The following SGCZ variants were observed in gnomAD, a reference collection of about 807,000 sequenced individuals.
SGCZ encodes the protein zeta-sarcoglycan.
Under a neutral mutation model 41.3 loss-of-function variants are expected in SGCZ, and 40 were observed. That is an observed-to-expected ratio of 0.97 (90% CI 0.75 to 1.26). The LOEUF is 1.26. Among genes scored for constraint, SGCZ ranks in the 50% most tolerant of loss-of-function variants. SGCZ has a pLI of 0.00. For missense variants in SGCZ, 552 were observed against 369.8 expected (o/e 1.49, Z -4.04); for synonymous variants, 206 against 137.5 (o/e 1.50, Z -3.49).
At chr8:14,561,047 T>C (rs1054671028) in intron 1 of SGCZ, among the ~76,000 whole-genome samples, 1 of 152,124 alleles carries the variant, frequency 6.6e-6, no homozygotes, top group East Asian at 1.9e-4. Flanking sequence ...AAGTTCCTTT[T>C]TTTGTTGTTA....
At chr8:14,971,148 G>C (rs547386382) in intron 1 of SGCZ, among the ~76,000 whole-genome samples, 2 of 152,022 alleles carry the variant, frequency 1.3e-5, no homozygotes, top group Non-Finnish European at 2.9e-5. Flanking sequence ...ATTGGTTCTA[G>C]TAACTTTTTA....
chr8:14,507,598 A>G (rs1802341802), intron 2 of SGCZ, among the ~76,000 whole-genome samples: 1 of 152,192 alleles, frequency 6.6e-6, no homozygotes. Context: ...TGCTTCTGCA[A>G]CACTGGTATT....
intron 1 of SGCZ, among the ~76,000 whole-genome samples, chr8:14,639,838 G>A (rs540206772): frequency 6.6e-6 from 1 of 151,038 alleles, no homozygotes; most frequent in African/African-American, 2.4e-5. Context: ...TGTGATTCCA[G>A]CCAGTCCAGG....
chr8:14,368,869 A>T (rs1047038361), intron 2 of SGCZ, among the ~76,000 whole-genome samples: 2 of 151,800 alleles, frequency 1.3e-5, no homozygotes, highest in Non-Finnish European at 2.9e-5. Flanking sequence ...CAAGAGGGGA[A>T]ATCAAACACC....
At chr8:15,137,394 T>G (rs1808152265) in intron 1 of SGCZ, among the ~76,000 whole-genome samples, 1 of 152,206 alleles carries the variant, frequency 6.6e-6, no homozygotes, top group Non-Finnish European at 1.5e-5. Context: ...GAAATTTCTA[T>G]AAGTAACAAG....
intron 3 of SGCZ, among the ~76,000 whole-genome samples, chr8:14,275,300 C>A (rs778641478): frequency 6.6e-6 from 1 of 152,232 alleles, no homozygotes; most frequent in South Asian, 2.1e-4. Flanking sequence ...TGACTTCTTC[C>A]CTATCCCTTT....
intron 1 of SGCZ, among the ~76,000 whole-genome samples, chr8:15,208,868 AAT>A (rs1000806365): frequency 2.8e-5 from 4 of 140,402 alleles, no homozygotes; most frequent in Non-Finnish European, 3.1e-5. Flanking sequence ...ATATATCCTA[AAT>A]ATATATATAC....
intron 1 of SGCZ, among the ~76,000 whole-genome samples, chr8:15,226,715 A>G (rs555008196): frequency 1.3e-5 from 2 of 152,354 alleles, no homozygotes; most frequent in East Asian, 3.9e-4. Context: ...CTAGAGCTAC[A>G]TAACAGTAGA....
intron 1 of SGCZ, among the ~76,000 whole-genome samples, chr8:15,173,343 A>G (rs1033754096): frequency 6.6e-6 from 1 of 152,186 alleles, no homozygotes; most frequent in Admixed American, 6.5e-5. Flanking sequence ...CACTGGAGCA[A>G]CGTTTAACTT....
intron 4 of SGCZ, among the ~76,000 whole-genome samples, chr8:14,173,147 A>G (rs1238560084): frequency 2.0e-5 from 3 of 148,812 alleles, no homozygotes; most frequent in Non-Finnish European, 4.5e-5. Context: ...ATATGCTAAT[A>G]AACTAACTTC....
Position 14,582,879 on chromosome 8 carries a change from G to C in SGCZ, c.40-27953C>G, listed in dbSNP as rs533708209. Among the ~76,000 whole-genome samples, 795 of 151,516 alleles carry C rather than the reference G, an allele frequency of 5.2e-3. 3 individuals are homozygous for C. The highest frequency in any genetic ancestry group is 0.018 in the African/African-American group (754 of 41,120). The stretch of plus-strand genomic sequence containing the variant: ...CTGCATAGTATTCCATGGTGTATAT[G>C]TGCCACATTTTCTTAATCCAGTCTA... On this transcript the variant is annotated intron_variant, in intron 1 of 7. Transcript: ENST00000382080.
At chr8:14,763,292 G>A (rs556039765) in intron 1 of SGCZ, among the ~76,000 whole-genome samples, 1 of 152,170 alleles carries the variant, frequency 6.6e-6, no homozygotes, top group African/African-American at 2.4e-5. Flanking sequence ...ACACCAAAAA[G>A]CAGTTCAGTG....
chr8:15,041,566 A>G (rs116248346), intron 1 of SGCZ, among the ~76,000 whole-genome samples: 2 of 152,122 alleles, frequency 1.3e-5, no homozygotes, highest in African/African-American at 4.8e-5. Flanking sequence ...TCAAACAATC[A>G]TGAGAAGTAT....
chr8:14,459,018 C>G (rs1029320103), intron 2 of SGCZ, among the ~76,000 whole-genome samples: 1 of 152,126 alleles, frequency 6.6e-6, no homozygotes, highest in Non-Finnish European at 1.5e-5. Flanking sequence ...ACTGGGCACC[C>G]TCTCATCAGC....
chr8:14,518,803 G>C (rs1585623420), intron 2 of SGCZ, among the ~76,000 whole-genome samples: 1 of 149,250 alleles, frequency 6.7e-6, no homozygotes, highest in South Asian at 2.1e-4. Flanking sequence ...AATATAGAGA[G>C]ATATACACTT....
intron 1 of SGCZ, among the ~76,000 whole-genome samples, chr8:15,083,212 C>A (rs1044563978): frequency 1.4e-4 from 21 of 152,118 alleles, no homozygotes; most frequent in Admixed American, 1.3e-3. Flanking sequence ...ATATCAATTT[C>A]CCACCTTTCT....
chr8:14,647,160 A>C (rs1553828), intron 1 of SGCZ, among the ~76,000 whole-genome samples: 145,055 of 151,996 alleles, frequency 0.95, 69,567 homozygotes, highest in East Asian at 1. Context: ...TTTTTAAGAG[A>C]AAATGTTTTA....
intron 1 of SGCZ, among the ~76,000 whole-genome samples, chr8:15,083,289 A>C (rs1205673395): frequency 2.0e-5 from 3 of 152,190 alleles, no homozygotes; most frequent in African/African-American, 7.2e-5. Flanking sequence ...TATAAACCTT[A>C]TAATCAATGT....
intron 2 of SGCZ, among the ~76,000 whole-genome samples, chr8:14,343,319 C>T (rs897605861): frequency 2.6e-5 from 4 of 152,140 alleles, no homozygotes; most frequent in Non-Finnish European, 5.9e-5. Flanking sequence ...ATCCTCCAGA[C>T]CCAGAATGGT....
Sources: gnomAD v4.1 joint callset for allele counts (sites outside exome capture counted in the v4.1 genomes callset) on GRCh38, gnomAD v4.1.1 for gene constraint, MANE v1.5 for transcripts, NCBI Gene and HGNC (gene_info 2026-07-23, HGNC 2026-07-21) for gene names.